Variants in CACNA2D3 observed in about 807,000 individuals in gnomAD.
The protein encoded by CACNA2D3 is voltage-dependent calcium channel subunit alpha-2/delta-3.
In CACNA2D3, 60 loss-of-function variants were observed where a neutral mutation model predicts 160.6. That is an observed-to-expected ratio of 0.37 (90% CI 0.30 to 0.46). The LOEUF (loss-of-function observed/expected upper bound fraction) is 0.46, where lower values mean the gene tolerates loss of function less well. Ranked by LOEUF, CACNA2D3 falls within the 20% of genes least tolerant of loss-of-function variation. CACNA2D3 has a pLI of 1.00. For synonymous variants in CACNA2D3, 558 were observed against 492.9 expected (o/e 1.13, Z -1.75); for missense variants, 1,205 against 1,365.0 (o/e 0.88, Z 1.85).
intron 2 of CACNA2D3, among the ~76,000 whole-genome samples, chr3:54,314,502 T>C (rs1703819170): frequency 6.6e-6 from 1 of 152,246 alleles, no homozygotes; most frequent in African/African-American, 2.4e-5. Flanking sequence ...ATAGTGGTTG[T>C]ACTAGTTTAC....
At chr3:54,155,423 C>A (rs1244621613) in intron 2 of CACNA2D3, among the ~76,000 whole-genome samples, 2 of 152,192 alleles carry the variant, frequency 1.3e-5, no homozygotes, top group African/African-American at 2.4e-5. Context: ...GATGCACCAT[C>A]TTTACCTGCC....
chr3:54,904,911 G>A (rs982373443), intron 27 of CACNA2D3, among the ~76,000 whole-genome samples: 1 of 152,114 alleles, frequency 6.6e-6, no homozygotes, highest in Admixed American at 6.5e-5. Context: ...ATAGAAAATT[G>A]TTTTGTGTCC....
At chr3:54,857,487 G>A (rs962178333) in intron 17 of CACNA2D3, among the ~76,000 whole-genome samples, 1 of 152,150 alleles carries the variant, frequency 6.6e-6, no homozygotes, top group Non-Finnish European at 1.5e-5. Flanking sequence ...CTCAGGTGGG[G>A]TGTCTCTGAG....
At chr3:54,209,086 C>G (rs561021429) in intron 2 of CACNA2D3, among the ~76,000 whole-genome samples, 8 of 152,248 alleles carry the variant, frequency 5.3e-5, no homozygotes, top group African/African-American at 1.9e-4. Flanking sequence ...GGGGTCCCTC[C>G]CACAACATGG....
At chr3:54,629,154 G>A (rs954674300) in intron 10 of CACNA2D3, among the ~76,000 whole-genome samples, 4 of 152,036 alleles carry the variant, frequency 2.6e-5, no homozygotes, top group African/African-American at 9.7e-5. Flanking sequence ...ATCATCTTGA[G>A]GTGTCAAGCA....
chr3:54,821,717 C>CT (rs1491240169), intron 14 of CACNA2D3, among the ~76,000 whole-genome samples: 41 of 86,326 alleles, frequency 4.7e-4, no homozygotes, highest in African/African-American at 1.2e-3. Context: ...TCCTTCTTTC[C>CT]TCTCTCTCTC....
chr3:54,739,425 C>CAAAAAAAAAAAAAAAAAAA (rs780105524), intron 11 of CACNA2D3, among the ~76,000 whole-genome samples: 1 of 85,324 alleles, frequency 1.2e-5, no homozygotes, highest in Non-Finnish European at 2.2e-5. Flanking sequence ...GACTCTGTCT[C>CAAAAAAAAAAAAAAAAAAA]AAAAAAAAAA....
intron 11 of CACNA2D3, among the ~76,000 whole-genome samples, chr3:54,708,931 A>G (rs1216025164): frequency 6.6e-6 from 1 of 151,338 alleles, no homozygotes; most frequent in Admixed American, 6.6e-5. Flanking sequence ...TTCTGGTATG[A>G]TAAGGTGAGG....
chr3:54,139,610 A>G (rs1699882695), intron 2 of CACNA2D3, among the ~76,000 whole-genome samples: 2 of 152,258 alleles, frequency 1.3e-5, no homozygotes, highest in African/African-American at 4.8e-5. Flanking sequence ...TATTTGACAT[A>G]TGATGAAGTT....
Position 54,194,189 on chromosome 3 carries a change from T to G in CACNA2D3, c.204+70595T>G, listed in dbSNP as rs547453159. On this transcript the variant is annotated intron_variant, in intron 2 of 37. Transcript: ENST00000474759. Reference sequence around the variant, plus strand: ...AGGGTGACTATAGTTAGCAACAATGTGTTGTATATTTCAGAATAGCTAGAA... The same window carrying G: ...AGGGTGACTATAGTTAGCAACAATGGGTTGTATATTTCAGAATAGCTAGAA... 5.9e-5 allele frequency among the ~76,000 whole-genome samples: 9 copies of G among 152,232 alleles called. No individual in the cohort carries two copies. In the South Asian group the frequency reaches 1.9e-3, roughly 32 times the overall value.
At chr3:54,512,385 A>G (rs1035538096) in intron 5 of CACNA2D3, among the ~76,000 whole-genome samples, 2 of 152,232 alleles carry the variant, frequency 1.3e-5, no homozygotes, top group Non-Finnish European at 2.9e-5. Flanking sequence ...AGCATTTCAG[A>G]CTACTGTGTA....
At chr3:54,467,009 C>G (rs922184468) in intron 4 of CACNA2D3, among the ~76,000 whole-genome samples, 1 of 152,160 alleles carries the variant, frequency 6.6e-6, no homozygotes, top group Non-Finnish European at 1.5e-5. Flanking sequence ...TACTAAGAAT[C>G]AACTTTAAGT....
At chr3:54,609,069 A>C (rs938331045) in intron 9 of CACNA2D3, among the ~76,000 whole-genome samples, 3 of 152,210 alleles carry the variant, frequency 2.0e-5, no homozygotes, top group African/African-American at 7.2e-5. Context: ...CTAATCTTTA[A>C]TGTGTATTTG....
chr3:55,054,653 G>T (rs1488581035), intron 35 of CACNA2D3, among the ~76,000 whole-genome samples: 1 of 151,114 alleles, frequency 6.6e-6, no homozygotes, highest in Non-Finnish European at 1.5e-5. Flanking sequence ...TAATACCTGG[G>T]CCAGATGTTG....
At chr3:54,194,133 TA>T (rs1418453635) in intron 2 of CACNA2D3, among the ~76,000 whole-genome samples, 1 of 151,982 alleles carries the variant, frequency 6.6e-6, no homozygotes, top group African/African-American at 2.4e-5. Context: ...AACATACAAT[TA>T]AAAGGAATAT....
intron 2 of CACNA2D3, among the ~76,000 whole-genome samples, chr3:54,141,478 A>G (rs1035522110): frequency 2.6e-5 from 4 of 152,148 alleles, no homozygotes; most frequent in Non-Finnish European, 4.4e-5. Flanking sequence ...CTGCTTTCTC[A>G]GGTCCTGTTT....
intron 2 of CACNA2D3, among the ~76,000 whole-genome samples, chr3:54,168,220 C>G (rs1041894509): frequency 6.6e-6 from 1 of 152,176 alleles, no homozygotes; most frequent in Non-Finnish European, 1.5e-5. Flanking sequence ...CAGTGGGAGC[C>G]TCTGTACAGA....
chr3:54,387,205 C>G (rs998626689), intron 4 of CACNA2D3, among the ~76,000 whole-genome samples: 3 of 152,212 alleles, frequency 2.0e-5, no homozygotes, highest in African/African-American at 7.2e-5. Flanking sequence ...AAAATTGAAT[C>G]ATTCACTGAT....
chr3:54,779,882 T>C (rs1249718855), intron 13 of CACNA2D3, among the ~76,000 whole-genome samples: 2 of 152,212 alleles, frequency 1.3e-5, no homozygotes, highest in Admixed American at 6.5e-5. Flanking sequence ...TTGTTTTGTC[T>C]ATCTCTTGAA....
Sources: allele counts gnomAD v4.1 joint callset (sites outside exome capture counted in the v4.1 genomes callset), GRCh38; gene constraint gnomAD v4.1.1; transcripts MANE v1.5; gene names NCBI Gene and HGNC (gene_info 2026-07-23, HGNC 2026-07-21).